PDS5A: variants seen among roughly 807,000 people sequenced by gnomAD.
PDS5A encodes the protein sister chromatid cohesion protein PDS5 homolog A.
Under a neutral mutation model 167.1 loss-of-function variants are expected in PDS5A, and 42 were observed. The ratio of observed to expected loss-of-function variants is 0.25; its 90% CI spans 0.20 to 0.33. The LOEUF (loss-of-function observed/expected upper bound fraction) is 0.33. Ranked by LOEUF, PDS5A falls within the 10% of genes least tolerant of loss-of-function variation. The pLI is 1.00. For synonymous variants in PDS5A, 553 were observed against 554.6 expected, an observed-to-expected ratio of 1.00 and a Z score of 0.04; for missense variants, 1,033 against 1,605.9, an observed-to-expected ratio of 0.64 and a Z score of 6.10.
chr4:39,872,913 G>A (rs1578645744), intron 21 of PDS5A, 73 bp downstream of exon 21: 1 of 709,918 alleles, frequency 1.4e-6, no homozygotes, highest in East Asian at 3.0e-5. Context: ...CACAGAAACA[G>A]AAGTGTTTCT....
intron 32 of PDS5A, among the ~76,000 whole-genome samples, chr4:39,825,805 T>C (rs1715250256): frequency 6.6e-6 from 1 of 152,122 alleles, no homozygotes; most frequent in Admixed American, 6.6e-5. Flanking sequence ...CTCATTATGT[T>C]GCCCAGGCTG....
At chr4:39,829,004 C>T (rs1715571975) in intron 32 of PDS5A, among the ~76,000 whole-genome samples, 2 of 152,132 alleles carry the variant, frequency 1.3e-5, no homozygotes, top group Non-Finnish European at 1.5e-5. Flanking sequence ...AAACCCAGGG[C>T]TGAACTTAGT....
At chr4:39,905,332 T>C (rs1218654741) in intron 11 of PDS5A, among the ~76,000 whole-genome samples, 1 of 151,704 alleles carries the variant, frequency 6.6e-6, no homozygotes, top group Admixed American at 6.6e-5. Flanking sequence ...CCGAGGCAGG[T>C]GGATCACCTG....
chr4:39,891,653 A>G (rs1721975801), intron 16 of PDS5A, among the ~76,000 whole-genome samples: 1 of 147,964 alleles, frequency 6.8e-6, no homozygotes, highest in Admixed American at 6.8e-5. Context: ...TCTCAAAAGA[A>G]ACAGAAACAC....
intron 32 of PDS5A, among the ~76,000 whole-genome samples, chr4:39,831,058 G>C (rs143046674): frequency 1.2e-4 from 18 of 152,330 alleles, no homozygotes; most frequent in Admixed American, 1.2e-3. Context: ...GGAAATGATA[G>C]TACTGGGGAG....
chr4:39,849,879 A>G (rs1167256529), intron 26 of PDS5A, among the ~76,000 whole-genome samples: 6 of 152,216 alleles, frequency 3.9e-5, no homozygotes, highest in Admixed American at 3.9e-4. Flanking sequence ...AAAGTCTGAC[A>G]GTTTCATAAG....
At chr4:39,964,074 TTAAC>T (rs10559699) in intron 2 of PDS5A, among the ~76,000 whole-genome samples, 29,281 of 151,884 alleles carry the variant, frequency 0.19, 3,304 homozygotes, top group South Asian at 0.27. Context: ...GAATTCAAAT[TTAAC>T]TAACTAACAA....
At chr4:39,918,404 A>G (rs1724604113) in intron 7 of PDS5A, among the ~76,000 whole-genome samples, 1 of 152,018 alleles carries the variant, frequency 6.6e-6, no homozygotes, top group Non-Finnish European at 1.5e-5. Context: ...CAAGGCCAAG[A>G]GCGCAAATTA....
chr4:39,961,308 A>T (rs895219894), intron 2 of PDS5A, among the ~76,000 whole-genome samples: 17 of 151,644 alleles, frequency 1.1e-4, no homozygotes, highest in African/African-American at 2.7e-4. Flanking sequence ...TTATTTATTT[A>T]TTTTTTTTGA....
At position 39,917,192 on chromosome 4, in the gene PDS5A, TA is replaced by T. The variant is rs763418901; in HGVS notation, c.736-5del. On this transcript the variant is annotated splice_region_variant and splice_polypyrimidine_tract_variant and intron_variant, in intron 7 of 32. Coordinates refer to ENST00000303538, the MANE Select transcript of PDS5A (RefSeq NM_001100399.2). ...GCACCAGGACTTGATTGAAAAACTG[TA>T]AGAGATATTAAAAACAAAAAGAAAA... is the stretch of plus-strand genomic sequence containing the variant. 6 of 1,519,208 alleles carry T rather than the reference TA, an allele frequency of 3.9e-6. No individual in the cohort carries two copies. Among genetic ancestry groups the T allele is most frequent in the East Asian group, 2.6e-5 (1 of 39,082 alleles). The allele number at this position is 1,519,208 out of a possible 1,614,324, so 94.1% of individuals were successfully genotyped here. A position where few individuals can be genotyped will look rare whatever the true frequency, so the allele number is the denominator to read the frequency against.
At chr4:39,947,138 A>G (rs1392981504) in intron 2 of PDS5A, among the ~76,000 whole-genome samples, 1 of 152,074 alleles carries the variant, frequency 6.6e-6, no homozygotes, top group Non-Finnish European at 1.5e-5. Flanking sequence ...ATACACTTGG[A>G]ATGAATAATC....
chr4:39,915,060 T>C (rs908405129), intron 8 of PDS5A, among the ~76,000 whole-genome samples: 1 of 151,728 alleles, frequency 6.6e-6, no homozygotes, highest in Non-Finnish European at 1.5e-5. Flanking sequence ...TTTTAAGAGG[T>C]AAGAGTCTTG....
intron 12 of PDS5A, 142 bp from the exon 13 acceptor site, chr4:39,902,602 A>G: frequency 2.0e-6 from 1 of 506,126 alleles, no homozygotes; most frequent in South Asian, 3.2e-5. Flanking sequence ...GGCTCAATGC[A>G]ACCTCTGTCT....
rs1445921224 is a variant in PDS5A, at chr4:39,902,251, G to A, written c.1499+96C>T. On this transcript the variant is annotated intron_variant, in intron 13 of 32. Coordinates refer to ENST00000303538, the MANE Select transcript of PDS5A (RefSeq NM_001100399.2). Reference sequence around the variant, plus strand: ...TGAGGTTCTTGATTCAACTATAGAAGCAGCAACAATCCAATCAATAACAAC... The same window carrying A: ...TGAGGTTCTTGATTCAACTATAGAAACAGCAACAATCCAATCAATAACAAC... The A allele has an allele frequency of 6.8e-6, 4 of 586,584 alleles. No individual in the cohort carries two copies. The East Asian group carries it at 8.8e-5, about 13-fold the overall frequency. 36.3% of individuals were successfully genotyped at this position (586,584 alleles called of 1,614,324 possible). A position where few individuals can be genotyped will look rare whatever the true frequency, so the allele number is the denominator to read the frequency against.
intron 26 of PDS5A, among the ~76,000 whole-genome samples, chr4:39,856,232 C>T (rs141343744): frequency 2.6e-5 from 4 of 152,228 alleles, no homozygotes; most frequent in African/African-American, 4.8e-5. Context: ...CCCAACAACT[C>T]GTCAACCAAG....
chr4:39,839,163 G>T (rs1162849502), intron 31 of PDS5A, among the ~76,000 whole-genome samples: 1 of 152,066 alleles, frequency 6.6e-6, no homozygotes, highest in Non-Finnish European at 1.5e-5. Flanking sequence ...TAATCTATTG[G>T]TATCTGGATT....
intron 16 of PDS5A, 176 bp downstream of exon 16, chr4:39,898,213 G>A: frequency 1.6e-6 from 2 of 1,283,372 alleles, no homozygotes; most frequent in Non-Finnish European, 2.0e-6. Flanking sequence ...CCTGGAATGT[G>A]GCTGAGAGTG....
chr4:39,938,488 A>T lies in PDS5A; in HGVS notation c.139-10324T>A, dbSNP rs899145815. On this transcript the variant is annotated intron_variant, in intron 2 of 32. Coordinates refer to ENST00000303538, the MANE Select transcript of PDS5A (RefSeq NM_001100399.2). ...GAGAATCACTTGAACCGGGAGGCGGAGGTTGTAGTGAGCCAAGATCGTGCC... is the reference window on the plus strand; with the variant it reads ...GAGAATCACTTGAACCGGGAGGCGGTGGTTGTAGTGAGCCAAGATCGTGCC... Among the ~76,000 whole-genome samples the T allele has an allele frequency of 5.9e-5, 9 of 151,418 alleles. No individual in the cohort carries two copies. The South Asian group carries it at 1.3e-3, about 21-fold the overall frequency.
intron 17 of PDS5A, among the ~76,000 whole-genome samples, chr4:39,883,337 C>A (rs1432179196): frequency 6.6e-6 from 1 of 152,006 alleles, no homozygotes; most frequent in South Asian, 2.1e-4. Context: ...CGCACCACCA[C>A]ACCTGGCTAA....
Sources: gnomAD v4.1 joint callset for allele counts (sites outside exome capture counted in the v4.1 genomes callset) on GRCh38, gnomAD v4.1.1 for gene constraint, MANE v1.5 for transcripts, NCBI Gene and HGNC (gene_info 2026-07-23, HGNC 2026-07-21) for gene names.